The following GRXCR1 variants were observed in gnomAD, a reference collection of about 807,000 sequenced individuals.
GRXCR1 encodes glutaredoxin and cysteine rich domain containing 1, also known as glutaredoxin domain-containing cysteine-rich protein 1.
In GRXCR1, 27 loss-of-function variants were observed where a neutral mutation model predicts 27.3. The ratio of observed to expected loss-of-function variants is 0.99; its 90% CI spans 0.73 to 1.37. The LOEUF (loss-of-function observed/expected upper bound fraction) is 1.37. Ranked by LOEUF, GRXCR1 falls within the 40% of genes most tolerant of loss-of-function variation. The pLI is 0.00. For synonymous variants in GRXCR1, 122 were observed against 131.1 expected (o/e 0.93, Z 0.47); for missense variants, 379 against 354.4 (o/e 1.07, Z -0.56).
chr4:43,010,528 G>A (rs1442979787), intron 2 of GRXCR1, among the ~76,000 whole-genome samples: 3 of 151,882 alleles, frequency 2.0e-5, no homozygotes, highest in African/African-American at 4.8e-5. Context: ...ATCACCTTTC[G>A]CTAAATGCTA....
At chr4:43,022,900 A>G (rs1295420376) in intron 3 of GRXCR1, among the ~76,000 whole-genome samples, 1 of 152,138 alleles carries the variant, frequency 6.6e-6, no homozygotes, top group Non-Finnish European at 1.5e-5. Context: ...AAAGCTCACA[A>G]CTCTGCTAAA....
chr4:42,949,257 T>G (rs1030072819), intron 1 of GRXCR1, among the ~76,000 whole-genome samples: 2 of 139,936 alleles, frequency 1.4e-5, no homozygotes, highest in African/African-American at 5.4e-5. Context: ...CCCAGCTACC[T>G]GGGAGGCTGA....
Position 43,030,443 on chromosome 4 carries a change from C to T in GRXCR1, c.776C>T (p.Ser259Phe), listed in dbSNP as rs762781034. Residue 259 changes from serine to phenylalanine, a missense_variant, in exon 4 of 4, where the codon TCC (serine) becomes TTC (phenylalanine). By Grantham distance (155) the Ser-to-Phe change is radical. Transcript: ENST00000399770. ...PCSVCHGSKM[S>F]MFRNCFTDSF... ...TCCGTGTGCCATGGGAGCAAGATGT[C>T]CATGTTTCGAAACTGCTTCACAGAC... The T allele has an allele frequency of 1.2e-6, 2 of 1,613,870 alleles. No homozygotes were observed. The highest frequency in any genetic ancestry group is 1.7e-6 in the Non-Finnish European group (2 of 1,179,956).
intron 3 of GRXCR1, among the ~76,000 whole-genome samples, chr4:43,025,763 G>A (rs1339727834): frequency 1.3e-5 from 2 of 152,136 alleles, no homozygotes; most frequent in Non-Finnish European, 2.9e-5. Flanking sequence ...GATCACCAGG[G>A]CAAGAGATCG....
chr4:42,931,069 T>TC (rs1298975543), intron 1 of GRXCR1, among the ~76,000 whole-genome samples: 10 of 151,970 alleles, frequency 6.6e-5, no homozygotes, highest in Non-Finnish European at 1.3e-4. Context: ...CTTTTTTTTT[T>TC]CCCTTTTTAC....
chr4:42,893,210 A>G lies in GRXCR1; in HGVS notation c.-57A>G, dbSNP rs1746271738. The G allele has an allele frequency of 1.0e-5, 16 of 1,598,512 alleles. No individual in the cohort carries two copies. Among genetic ancestry groups the G allele is most frequent in the Non-Finnish European group, 1.4e-5 (16 of 1,167,230 alleles). On this transcript the variant is annotated 5_prime_UTR_variant, in exon 1 of 4. Coordinates refer to ENST00000399770, the MANE Select transcript of GRXCR1 (RefSeq NM_001080476.3). The stretch of plus-strand genomic sequence containing the variant: ...GATATTGCTATCTGGCAAGTGGACT[A>G]GTGCAGTAACAACGGGTCCAGAATG...
At chr4:42,942,966 A>G (rs1192539875) in intron 1 of GRXCR1, among the ~76,000 whole-genome samples, 1 of 152,100 alleles carries the variant, frequency 6.6e-6, no homozygotes, top group Non-Finnish European at 1.5e-5. Context: ...ACTGAAGAGT[A>G]AGGAGAGAAG....
chr4:42,919,485 G>C (rs1369789525), intron 1 of GRXCR1, among the ~76,000 whole-genome samples: 1 of 152,080 alleles, frequency 6.6e-6, no homozygotes, highest in South Asian at 2.1e-4. Flanking sequence ...ATAATGATAC[G>C]CTACAAAACT....
chr4:42,933,726 G>A (rs995144271), intron 1 of GRXCR1, among the ~76,000 whole-genome samples: 1 of 151,886 alleles, frequency 6.6e-6, no homozygotes, highest in Non-Finnish European at 1.5e-5. Flanking sequence ...CAGAGAAGAT[G>A]CCACCTCTGA....
chr4:42,999,998 T>A (rs1420077176), intron 2 of GRXCR1, among the ~76,000 whole-genome samples: 24 of 152,242 alleles, frequency 1.6e-4, no homozygotes, highest in Admixed American at 1.6e-3. Flanking sequence ...TTACTCACAG[T>A]CAACTGCAGT....
rs1746772238 is a variant in GRXCR1 at position 42,913,418 on chromosome 4, CT to C, written c.384+19769del. On this transcript the variant is annotated intron_variant, in intron 1 of 3. Coordinates refer to ENST00000399770, the MANE Select transcript of GRXCR1 (RefSeq NM_001080476.3). Reference sequence around the variant, plus strand: ...TCTTGGGAACTGGAGCAAAGGTGACCTCGCTACGCTTAACAACGAGACTGGC... The same window carrying C: ...TCTTGGGAACTGGAGCAAAGGTGACCCGCTACGCTTAACAACGAGACTGGC... 2.0e-5 allele frequency among the ~76,000 whole-genome samples: 3 copies of C among 152,232 alleles called. No individual in the cohort carries two copies. The South Asian group carries it at 6.2e-4, about 32-fold the overall frequency.
intron 2 of GRXCR1, among the ~76,000 whole-genome samples, chr4:43,012,572 T>A (rs977530453): frequency 3.3e-5 from 5 of 152,162 alleles, no homozygotes; most frequent in African/African-American, 1.2e-4. Flanking sequence ...TACTTCTAAC[T>A]AACAACTACT....
intron 1 of GRXCR1, among the ~76,000 whole-genome samples, chr4:42,918,928 CAT>C (rs1317442789): frequency 6.6e-6 from 1 of 151,870 alleles, no homozygotes; most frequent in African/African-American, 2.4e-5. Flanking sequence ...GGAGAGAAGT[CAT>C]GTATCAAAAG....
At chr4:42,960,283 A>ATTAGTTTTCTTTGTATTTGTATTTG (rs1433039982) in intron 1 of GRXCR1, among the ~76,000 whole-genome samples, 3 of 151,998 alleles carry the variant, frequency 2.0e-5, no homozygotes, top group Non-Finnish European at 1.5e-5. Flanking sequence ...TAATGCAGTA[A>ATTAGTTTTCTTTGTATTTGTATTTG]TAGTAGTCTT....
intron 1 of GRXCR1, among the ~76,000 whole-genome samples, chr4:42,930,610 TA>T (rs1388249527): frequency 1.3e-5 from 2 of 151,990 alleles, no homozygotes; most frequent in Non-Finnish European, 2.9e-5. Context: ...GACTCTTTTT[TA>T]AAAAGTATTG....
chr4:43,023,696 C>G (rs1309510338), intron 3 of GRXCR1, among the ~76,000 whole-genome samples: 1 of 152,108 alleles, frequency 6.6e-6, no homozygotes, highest in East Asian at 1.9e-4. Flanking sequence ...TTATTATTTA[C>G]TTCTAGTGCC....
chr4:43,020,684 T>C (rs1047081221), intron 3 of GRXCR1, among the ~76,000 whole-genome samples: 4 of 152,288 alleles, frequency 2.6e-5, no homozygotes, highest in African/African-American at 9.6e-5. Flanking sequence ...AATACAGACG[T>C]TGATGAGGTG....
intron 1 of GRXCR1, among the ~76,000 whole-genome samples, chr4:42,954,061 T>C (rs1330714647): frequency 6.6e-6 from 1 of 152,120 alleles, no homozygotes; most frequent in Non-Finnish European, 1.5e-5. Context: ...TTATGGAGTA[T>C]CCATATGCAC....
intron 2 of GRXCR1, among the ~76,000 whole-genome samples, chr4:42,996,817 TTA>T (rs932576797): frequency 1.1e-4 from 16 of 151,888 alleles, no homozygotes; most frequent in Admixed American, 3.3e-4. Context: ...AATATAAATT[TTA>T]TGTTAATATT....
Sources: gnomAD v4.1 joint callset for allele counts (sites outside exome capture counted in the v4.1 genomes callset) on GRCh38, gnomAD v4.1.1 for gene constraint, MANE v1.5 for transcripts, NCBI Gene and HGNC (gene_info 2026-07-23, HGNC 2026-07-21) for gene names.